NAALAD2: variants seen among roughly 807,000 people sequenced by gnomAD.
The protein encoded by NAALAD2 is N-acetylated alpha-linked acidic dipeptidase 2.
Under a neutral mutation model 95.6 loss-of-function variants are expected in NAALAD2, and 89 were observed. That is an observed-to-expected ratio of 0.93 (90% confidence interval 0.78 to 1.11). NAALAD2 has a LOEUF of 1.11. NAALAD2 is among the 50% of genes least tolerant of loss of function. The pLI, the probability that NAALAD2 is intolerant of heterozygous loss-of-function variation, is 0.00. For synonymous variants in NAALAD2, 264 were observed against 294.4 expected, an observed-to-expected ratio of 0.90 and a Z score of 1.06; for missense variants, 894 against 872.4, an observed-to-expected ratio of 1.02 and a Z score of -0.31.
At chr11:90,146,281 C>T (rs192610262) in intron 2 of NAALAD2, among the ~76,000 whole-genome samples, 2 of 113,524 alleles carry the variant, frequency 1.8e-5, no homozygotes, top group East Asian at 5.3e-4. Flanking sequence ...ATCCGGTTAA[C>T]TAAAAAAAAA....
chr11:90,136,513 G>T (rs182475837), intron 2 of NAALAD2, among the ~76,000 whole-genome samples: 82 of 152,180 alleles, frequency 5.4e-4, no homozygotes, highest in Admixed American at 5.4e-3. Context: ...GCATTTTCTA[G>T]AATCTTATTT....
chr11:90,158,694 T>A (rs191144841), intron 7 of NAALAD2: 105 of 175,178 alleles, frequency 6.0e-4, no homozygotes, highest in Admixed American at 2.1e-3. Context: ...AGGGTTATTA[T>A]AAGATCATAT....
chr11:90,176,852 C>T (rs529702570), intron 15 of NAALAD2, among the ~76,000 whole-genome samples: 3 of 152,166 alleles, frequency 2.0e-5, no homozygotes, highest in African/African-American at 7.2e-5. Flanking sequence ...TAAAAGCAAC[C>T]CCAGAGTAAC....
chr11:90,135,891 G>A (rs1029834389), intron 2 of NAALAD2, among the ~76,000 whole-genome samples: 3 of 151,608 alleles, frequency 2.0e-5, no homozygotes, highest in Admixed American at 1.3e-4. Flanking sequence ...TATCTGGTTG[G>A]CTTATTGAGA....
chr11:90,168,181 G>T (rs186136504), intron 11 of NAALAD2, among the ~76,000 whole-genome samples: 17 of 152,130 alleles, frequency 1.1e-4, no homozygotes, highest in Non-Finnish European at 2.9e-5. Context: ...TCACCGTGAA[G>T]GTCTGCAGCT....
intron 11 of NAALAD2, among the ~76,000 whole-genome samples, chr11:90,164,888 G>A (rs1239122604): frequency 1.3e-5 from 2 of 152,116 alleles, no homozygotes; most frequent in African/African-American, 4.8e-5. Flanking sequence ...TAATATTGTG[G>A]TATTACTAGT....
chr11:90,182,863 TG>T, intron 17 of NAALAD2, 52 bp from the exon 18 acceptor site: 4 of 1,175,806 alleles, frequency 3.4e-6, no homozygotes, highest in Non-Finnish European at 5.0e-6. Context: ...ATATTATTTT[TG>T]AAGCATGATT....
intron 5 of NAALAD2, among the ~76,000 whole-genome samples, chr11:90,150,858 A>G (rs1321393646): frequency 7.9e-5 from 12 of 152,144 alleles, no homozygotes; most frequent in Non-Finnish European, 1.6e-4. Flanking sequence ...AAGGAAATTT[A>G]TATAAAGTAA....
chr11:90,138,093 A>G (rs1456339599), intron 2 of NAALAD2, among the ~76,000 whole-genome samples: 1 of 152,222 alleles, frequency 6.6e-6, no homozygotes, highest in African/African-American at 2.4e-5. Context: ...GACCTTAGCA[A>G]TAACATAGAC....
chr11:90,134,446 GTTC>G (rs1319502918), upstream of NAALAD2: 2 of 348,662 alleles, frequency 5.7e-6, no homozygotes. Context: ...CAGCAGTAGA[GTTC>G]TTTAGGAAAA....
chr11:90,155,127 A>ATT (rs1369526403), intron 6 of NAALAD2, among the ~76,000 whole-genome samples: 7 of 129,068 alleles, frequency 5.4e-5, no homozygotes, highest in Admixed American at 5.3e-4. Flanking sequence ...GTGTATATAT[A>ATT]ATATACGTAT....
intron 8 of NAALAD2, among the ~76,000 whole-genome samples, chr11:90,161,001 G>C (rs1409960823): frequency 2.0e-5 from 3 of 152,102 alleles, no homozygotes; most frequent in African/African-American, 7.2e-5. Flanking sequence ...CACCAATGAG[G>C]ACTAACTTAA....
chr11:90,159,178 T>C, intron 7 of NAALAD2, 61 bp from the exon 8 acceptor site: 1 of 1,268,776 alleles, frequency 7.9e-7, no homozygotes, highest in Non-Finnish European at 1.1e-6. Flanking sequence ...CATCAAACTT[T>C]AAAATTTCTC....
rs775923554 is a variant in NAALAD2, at chr11:90,173,876, T to A, written c.1463T>A (p.Leu488Ter). The change falls in exon 14 of 19, where the codon TTG becomes TAG. Residue 488 changes from leucine to a stop codon, truncating the protein, a stop_gained. Transcript: ENST00000534061. LOFTEE classifies it high-confidence loss of function. Reference protein sequence around the residue: ...FESKSLYESWLEKDPSPENKN... With the variant: ...FESKSLYESW ...AGTAAATCACTGTATGAAAGCTGGT[T>A]GGAAAAAGACCCTTCACCTGAAAAT... 6.2e-7 allele frequency: 1 copy of A among 1,612,852 alleles called. No homozygotes were observed. The highest frequency in any genetic ancestry group is 1.3e-5 in the African/African-American group (1 of 74,734).
At chr11:90,152,557 G>C in intron 6 of NAALAD2, 73 bp downstream of exon 6, 7 of 1,187,958 alleles carry the variant, frequency 5.9e-6, no homozygotes, top group Non-Finnish European at 7.1e-6. Flanking sequence ...ATACAAGCAA[G>C]CATGTTCAGA....
chr11:90,134,689 C>A lies in NAALAD2; in HGVS notation c.-70C>A. 2 of 1,496,858 alleles carry A rather than the reference C, an allele frequency of 1.3e-6. No individual in the cohort carries two copies. The highest frequency in any genetic ancestry group is 1.9e-6 in the Non-Finnish European group (2 of 1,076,446). The allele number at this position is 1,496,858 out of a possible 1,614,324, so 92.7% of individuals were successfully genotyped here. The stretch of plus-strand genomic sequence containing the variant: ...GAGCTCACAGCCTCCTGCCAGCGCG[C>A]TCTCTGTTTCTCTGCAGCCCCGAAG... On this transcript the variant is annotated 5_prime_UTR_variant, in exon 1 of 19. Transcript: ENST00000534061.
Position 90,175,955 on chromosome 11 carries a change from T to TGTG in NAALAD2, c.1503-17_1503-16insGTG. ...GTGTGTGTGTGTGTGTGTGTGTGGA[T>TGTG]TGCATTCTACATCTAGAATCAATAA... On this transcript the variant is annotated splice_polypyrimidine_tract_variant and intron_variant, in intron 14 of 18. Coordinates refer to ENST00000534061, the MANE Select transcript of NAALAD2 (RefSeq NM_005467.4). 1 of 1,507,890 alleles carries TGTG rather than the reference T, an allele frequency of 6.6e-7. No homozygotes were observed. The highest frequency in any genetic ancestry group is 9.2e-7 in the Non-Finnish European group (1 of 1,083,102). The allele number at this position is 1,507,890 out of a possible 1,614,324, so 93.4% of individuals were successfully genotyped here. A position where few individuals can be genotyped will look rare whatever the true frequency, so the allele number is the denominator to read the frequency against.
chr11:90,138,725 C>CTTTTTTTTTTTTTTTTTTTTTTT (rs562496549), intron 2 of NAALAD2, among the ~76,000 whole-genome samples: 4 of 61,530 alleles, frequency 6.5e-5, no homozygotes, highest in Non-Finnish European at 1.3e-4. Context: ...CATCCCTCAA[C>CTTTTTTTTTTTTTTTTTTTTTTT]TTTTTTTTTT....
upstream of NAALAD2, among the ~76,000 whole-genome samples, chr11:90,132,668 G>A (rs77034589): frequency 0.044 from 6,656 of 152,238 alleles, 180 homozygotes; most frequent in Middle Eastern, 0.11. Context: ...ATAATTCTGA[G>A]TGCTCTTGGA....
Sources: allele counts gnomAD v4.1 joint callset (sites outside exome capture counted in the v4.1 genomes callset), GRCh38; gene constraint gnomAD v4.1.1; transcripts MANE v1.5; gene names NCBI Gene and HGNC (gene_info 2026-07-23, HGNC 2026-07-21).